The following TBXAS1 variants were observed in gnomAD, a reference collection of about 807,000 sequenced individuals.
The protein encoded by TBXAS1 is thromboxane A synthase 1.
In TBXAS1, 48 loss-of-function variants were observed where a neutral mutation model predicts 60.7. The observed-to-expected ratio is 0.79, with a 90% confidence interval of 0.63 to 1.01. The LOEUF is 1.01. Among genes scored for constraint, TBXAS1 ranks in the 50% least tolerant of loss-of-function variants. The pLI, the probability that TBXAS1 is intolerant of heterozygous loss-of-function variation, is 0.00. For missense variants in TBXAS1, 685 were observed against 686.3 expected, an observed-to-expected ratio of 1.00 and a Z score of 0.02; for synonymous variants, 287 against 269.7, an observed-to-expected ratio of 1.06 and a Z score of -0.63.
In TBXAS1 at chr7:139,959,247, C is replaced by T. The variant is rs200908276; in HGVS notation, c.819+1483C>T. 4.6e-5 allele frequency among the ~76,000 whole-genome samples: 7 copies of T among 152,316 alleles called. No individual in the cohort carries two copies. The East Asian group carries it at 1.4e-3, about 29-fold the overall frequency. ...CAAATCCAGGACAGCCATGTCAAGA[C>T]AGAGCTATACGGTTACTAAGAAAAC... On this transcript the variant is annotated intron_variant, in intron 8 of 12. Transcript: ENST00000448866.
At chr7:139,927,811 T>C (rs941514151) in intron 4 of TBXAS1, among the ~76,000 whole-genome samples, 2 of 152,166 alleles carry the variant, frequency 1.3e-5, no homozygotes, top group Non-Finnish European at 2.9e-5. Flanking sequence ...TTTTCAGTAG[T>C]TTGTTGCCCA....
intron 9 of TBXAS1, among the ~76,000 whole-genome samples, chr7:139,985,158 T>C (rs1488299031): frequency 6.6e-6 from 1 of 152,190 alleles, no homozygotes; most frequent in African/African-American, 2.4e-5. Context: ...GTCCTCCAAT[T>C]AATTCATTTC....
chr7:139,864,733 G>C (rs1801224722), intron 1 of TBXAS1, among the ~76,000 whole-genome samples: 1 of 152,202 alleles, frequency 6.6e-6, no homozygotes, highest in South Asian at 2.1e-4. Flanking sequence ...TGATAGAAGT[G>C]ACATTATGAA....
intron 10 of TBXAS1, among the ~76,000 whole-genome samples, chr7:140,009,030 TCCTGGA>T (rs1264499743): frequency 6.6e-6 from 1 of 152,218 alleles, no homozygotes; most frequent in Non-Finnish European, 1.5e-5. Flanking sequence ...ACACAGTACT[TCCTGGA>T]CCTAAACTCA....
chr7:139,786,964 CA>C (rs1005150401), intron 3 of TBXAS1, among the ~76,000 whole-genome samples: 39 of 152,178 alleles, frequency 2.6e-4, no homozygotes, highest in African/African-American at 9.4e-4. Flanking sequence ...CACTGACCTC[CA>C]GCCTTATTGA....
intron 10 of TBXAS1, among the ~76,000 whole-genome samples, chr7:140,012,726 T>A (rs369761903): frequency 7.6e-4 from 116 of 152,272 alleles, no homozygotes; most frequent in African/African-American, 2.6e-3. Flanking sequence ...CCCAAAGTGC[T>A]GGGATTACAG....
chr7:139,837,595 C>T (rs762375359), intron 1 of TBXAS1, among the ~76,000 whole-genome samples: 10 of 152,084 alleles, frequency 6.6e-5, no homozygotes, highest in Non-Finnish European at 5.9e-5. Flanking sequence ...CTCACTGATA[C>T]GTGGGATCTA....
At chr7:139,844,956 C>T (rs1405782622) in intron 1 of TBXAS1, among the ~76,000 whole-genome samples, 3 of 151,954 alleles carry the variant, frequency 2.0e-5, no homozygotes, top group African/African-American at 7.3e-5. Context: ...GGACACCTGC[C>T]TCTCAGCATT....
At chr7:139,794,221 C>T (rs1322476987) in intron 4 of TBXAS1, among the ~76,000 whole-genome samples, 3 of 152,016 alleles carry the variant, frequency 2.0e-5, no homozygotes, top group African/African-American at 7.3e-5. Context: ...CCTACCTCAG[C>T]TCCCAAGTAG....
chr7:139,932,135 C>A (rs1488689586), intron 4 of TBXAS1, among the ~76,000 whole-genome samples: 1 of 147,356 alleles, frequency 6.8e-6, no homozygotes, highest in Non-Finnish European at 1.5e-5. Flanking sequence ...CCATTGCACT[C>A]CAGCCTGGGC....
intron 4 of TBXAS1, among the ~76,000 whole-genome samples, chr7:139,928,801 C>T (rs1807081311): frequency 6.6e-6 from 1 of 152,304 alleles, no homozygotes; most frequent in African/African-American, 2.4e-5. Context: ...AATGAGTAAA[C>T]ATTACTTCTC....
intron 10 of TBXAS1, among the ~76,000 whole-genome samples, chr7:140,007,813 G>A (rs998809581): frequency 3.3e-5 from 5 of 152,138 alleles, no homozygotes; most frequent in African/African-American, 1.2e-4. Context: ...TACACTTCAT[G>A]TTATATTCTT....
chr7:139,901,804 C>T (rs1033039043), intron 3 of TBXAS1, among the ~76,000 whole-genome samples: 5 of 151,978 alleles, frequency 3.3e-5, no homozygotes, highest in African/African-American at 1.2e-4. Flanking sequence ...TGGAAAGAGT[C>T]CTCTTGCATC....
rs745361335 is a variant in TBXAS1 at position 139,875,577 on chromosome 7, T to G, written c.184-8T>G. The G allele has an allele frequency of 1.1e-5, 17 of 1,614,054 alleles. No individual in the cohort carries two copies. Among genetic ancestry groups the G allele is most frequent in the Middle Eastern group, 3.3e-4 (2 of 6,062 alleles). ...CTTATTCTTACTATAGTGCTGTGTT[T>G]CCTTCAGGGTTTTTGGGAAAGCCAA... On this transcript the variant is annotated splice_region_variant and splice_polypyrimidine_tract_variant and intron_variant, in intron 2 of 12. Transcript: ENST00000448866.
intron 9 of TBXAS1, among the ~76,000 whole-genome samples, chr7:139,986,744 C>T (rs2885511): frequency 0.48 from 42,233 of 88,074 alleles, 10,100 homozygotes; most frequent in East Asian, 0.83. Context: ...TATATACATA[C>T]ATATATATAT....
chr7:139,899,403 A>G (rs1484461063), intron 3 of TBXAS1, among the ~76,000 whole-genome samples: 1 of 152,184 alleles, frequency 6.6e-6, no homozygotes, highest in African/African-American at 2.4e-5. Context: ...TAATCCCAAC[A>G]GTCTATTCTA....
At chr7:139,831,949 A>G (rs967981119) in intron 1 of TBXAS1, among the ~76,000 whole-genome samples, 4 of 151,766 alleles carry the variant, frequency 2.6e-5, no homozygotes, top group African/African-American at 9.7e-5. Flanking sequence ...ACAAAACAAA[A>G]CAAAACAGAA....
chr7:140,013,512 T>C lies in TBXAS1; in HGVS notation c.1227-2211T>C, dbSNP rs942835478. ...GATTTCAAGTTGCAAGGAAGAGAGA[T>C]TCAATGGTGCTTTCTTGAGTCACGG... On this transcript the variant is annotated intron_variant, in intron 10 of 12. Transcript: ENST00000448866. This position sits in a 1 kb window ranked among gnomAD's most constrained non-coding sequence, Gnocchi z 4.2. 6.6e-6 allele frequency among the ~76,000 whole-genome samples: 1 copy of C among 152,064 alleles called. No homozygotes were observed. The highest frequency in any genetic ancestry group is 1.5e-5 in the Non-Finnish European group (1 of 68,020).
At chr7:140,012,169 G>A (rs186015242) in intron 10 of TBXAS1, among the ~76,000 whole-genome samples, 6 of 152,268 alleles carry the variant, frequency 3.9e-5, no homozygotes, top group African/African-American at 7.2e-5. Flanking sequence ...TGTGACCAGC[G>A]TCTCCTCCCA....
Sources: allele counts gnomAD v4.1 joint callset (sites outside exome capture counted in the v4.1 genomes callset), GRCh38; gene constraint gnomAD v4.1.1; non-coding constraint Gnocchi (gnomAD v3.1); transcripts MANE v1.5; gene names NCBI Gene and HGNC (gene_info 2026-07-23, HGNC 2026-07-21).